Variants in B3GALNT2 observed in about 807,000 individuals in gnomAD.
B3GALNT2 encodes the protein beta-1,3-N-acetylgalactosaminyltransferase 2, also known as UDP-GalNAc:beta-1,3-N-acetylgalactosaminyltransferase 2.
In B3GALNT2, 53 loss-of-function variants were observed where a neutral mutation model predicts 61.1. That is an observed-to-expected ratio of 0.87 (90% CI 0.70 to 1.09). B3GALNT2 has a LOEUF of 1.09. Among genes scored for constraint, B3GALNT2 ranks in the 50% least tolerant of loss-of-function variants. B3GALNT2 has a pLI of 0.00. For synonymous variants in B3GALNT2, 223 were observed against 237.4 expected, an observed-to-expected ratio of 0.94 and a Z score of 0.56; for missense variants, 544 against 623.0, an observed-to-expected ratio of 0.87 and a Z score of 1.35.
At chr1:235,441,720 TG>T in the B3GALNT2 span, 1 of 1,184,208 alleles carries the variant, frequency 8.4e-7, no homozygotes, top group Non-Finnish European at 1.2e-6. Context: ...ACAGGCTCTC[TG>T]GACGCTTACC....
chr1:235,467,856 T>C (rs1683785671), intron 6 of B3GALNT2, among the ~76,000 whole-genome samples: 1 of 151,988 alleles, frequency 6.6e-6, no homozygotes, highest in African/African-American at 2.4e-5. Flanking sequence ...CTTGGCTCAC[T>C]GCAACCTCTG....
intron 8 of B3GALNT2, among the ~76,000 whole-genome samples, chr1:235,456,880 C>T (rs962253614): frequency 2.0e-5 from 3 of 152,114 alleles, no homozygotes; most frequent in South Asian, 2.1e-4. Flanking sequence ...CTCTCATTTG[C>T]GGCCCCAAAT....
At chr1:235,489,995 G>A (rs74151512) in intron 2 of B3GALNT2, among the ~76,000 whole-genome samples, 5,843 of 152,084 alleles carry the variant, frequency 0.038, 238 homozygotes, top group African/African-American at 0.1. Flanking sequence ...GTTTCTCTAC[G>A]GCTTAATACT....
chr1:235,452,467 T>C (rs1307783795), intron 11 of B3GALNT2: 1 of 152,214 alleles, frequency 6.6e-6, no homozygotes, highest in Non-Finnish European at 1.5e-5. Flanking sequence ...TCATTCTTTC[T>C]GCCCATGGTG....
chr1:235,494,170 T>C (rs890084234), intron 2 of B3GALNT2, among the ~76,000 whole-genome samples: 9 of 152,208 alleles, frequency 5.9e-5, no homozygotes, highest in African/African-American at 2.2e-4. Context: ...AAAGTATATT[T>C]AGACATGCAC....
At chr1:235,496,348 G>T in intron 1 of B3GALNT2, 2 of 985,860 alleles carry the variant, frequency 2.0e-6, no homozygotes, top group Non-Finnish European at 2.5e-6. Flanking sequence ...ATGGAATAGA[G>T]GTATTTATTA....
intron 5 of B3GALNT2, among the ~76,000 whole-genome samples, chr1:235,474,987 ATTTTT>A (rs1160445883): frequency 4.4e-3 from 156 of 35,410 alleles, no homozygotes; most frequent in African/African-American, 0.011. Flanking sequence ...ATATATATAT[ATTTTT>A]TTTTTTTTTT....
intron 5 of B3GALNT2, among the ~76,000 whole-genome samples, chr1:235,471,970 A>T (rs999344301): frequency 2.4e-5 from 3 of 126,310 alleles, no homozygotes; most frequent in Non-Finnish European, 3.5e-5. Flanking sequence ...GCCTGAATTT[A>T]AAAAAAAAAA....
In B3GALNT2 at chr1:235,504,134, A is replaced by AC; in HGVS notation, c.112+6dup. On this transcript the variant is annotated splice_region_variant and intron_variant, in intron 1 of 11. Coordinates refer to ENST00000366600, the MANE Select transcript of B3GALNT2 (RefSeq NM_152490.5). Reference sequence around the variant, plus strand: ...GGCCGCCAACCCGCCCGGCCCCAGGACCTCACCTGCAGGGCCGGCCCCGGA... The same window carrying AC: ...GGCCGCCAACCCGCCCGGCCCCAGGACCCTCACCTGCAGGGCCGGCCCCGGA... 8.8e-7 allele frequency: 1 copy of AC among 1,138,232 alleles called. No homozygotes were observed. The highest frequency in any genetic ancestry group is 1.1e-6 in the Non-Finnish European group (1 of 924,554). The allele number at this position is 1,138,232 out of a possible 1,614,324, so 70.5% of individuals were successfully genotyped here.
chr1:235,501,705 CAAAG>C (rs1453858901), intron 1 of B3GALNT2, among the ~76,000 whole-genome samples: 3 of 151,786 alleles, frequency 2.0e-5, no homozygotes, highest in Non-Finnish European at 2.9e-5. Context: ...TCAAAAAAAA[CAAAG>C]AAACTGCCAT....
At chr1:235,440,945 A>T in the B3GALNT2 span, 8 of 152,242 alleles carry the variant, frequency 5.3e-5, no homozygotes, top group East Asian at 1.5e-3. Flanking sequence ...CTTTTATGTT[A>T]TTTCCTTTTT....
chr1:235,453,171 A>G, intron 10 of B3GALNT2, 25 bp from the exon 11 acceptor site: 1 of 1,596,776 alleles, frequency 6.3e-7, no homozygotes, highest in South Asian at 1.1e-5. Flanking sequence ...TAAAGTTTAA[A>G]TGTAAAAATT....
At chr1:235,469,584 G>A (rs986420322) in intron 6 of B3GALNT2, among the ~76,000 whole-genome samples, 4 of 151,640 alleles carry the variant, frequency 2.6e-5, no homozygotes, top group African/African-American at 9.7e-5. Context: ...ATGGAGTCTC[G>A]CTCTGTTGCC....
chr1:235,455,373 A>T (rs932739358), intron 9 of B3GALNT2, among the ~76,000 whole-genome samples, 186 bp downstream of exon 9: 1 of 152,132 alleles, frequency 6.6e-6, no homozygotes, highest in African/African-American at 2.4e-5. Context: ...GCCTTCCCAA[A>T]ACTCTGGGAT....
At chr1:235,499,538 C>A (rs1328700958) in intron 1 of B3GALNT2, among the ~76,000 whole-genome samples, 2 of 152,180 alleles carry the variant, frequency 1.3e-5, no homozygotes, top group African/African-American at 4.8e-5. Flanking sequence ...CAATCCCAAG[C>A]AAGCTCCCTG....
intron 3 of B3GALNT2, among the ~76,000 whole-genome samples, chr1:235,485,715 A>G (rs1684774047): frequency 6.6e-6 from 1 of 152,224 alleles, no homozygotes; most frequent in Non-Finnish European, 1.5e-5. Flanking sequence ...AGATTATATC[A>G]AAGTTCTTTG....
intron 3 of B3GALNT2, among the ~76,000 whole-genome samples, chr1:235,486,004 T>C (rs763575059): frequency 6.6e-6 from 1 of 152,162 alleles, no homozygotes; most frequent in South Asian, 2.1e-4. Flanking sequence ...GGCACGAGAA[T>C]TGCTTGAGCC....
chr1:235,450,620 C>A (rs1041282660), intron 11 of B3GALNT2: 11 of 372,926 alleles, frequency 2.9e-5, no homozygotes, highest in African/African-American at 2.3e-4. Flanking sequence ...ATTTTAGAAA[C>A]CACAAGTGAG....
chr1:235,440,898 C>G, the B3GALNT2 span: 2 of 152,172 alleles, frequency 1.3e-5, no homozygotes, highest in Non-Finnish European at 2.9e-5. Context: ...GATGTACTTT[C>G]CATTTTGTTT....
Sources: gnomAD v4.1 joint callset for allele counts (sites outside exome capture counted in the v4.1 genomes callset) on GRCh38, gnomAD v4.1.1 for gene constraint, MANE v1.5 for transcripts, NCBI Gene and HGNC (gene_info 2026-07-23, HGNC 2026-07-21) for gene names.